The following PLA2G4C variants were observed in gnomAD, a reference collection of about 807,000 sequenced individuals.
The protein encoded by PLA2G4C is phospholipase A2 group IVC.
A neutral mutation model predicts 73.8 loss-of-function variants in PLA2G4C; 64 were observed. That is an observed-to-expected ratio of 0.87 (90% CI 0.71 to 1.07). The LOEUF (loss-of-function observed/expected upper bound fraction) is 1.07. PLA2G4C is among the 50% of genes least tolerant of loss of function. The pLI, the probability that PLA2G4C is intolerant of heterozygous loss-of-function variation, is 0.00. For synonymous variants in PLA2G4C, 254 were observed against 252.1 expected, an observed-to-expected ratio of 1.01 and a Z score of -0.07; for missense variants, 622 against 665.4, an observed-to-expected ratio of 0.93 and a Z score of 0.72.
chr19:48,084,839 C>T (rs1053121253), intron 10 of PLA2G4C, among the ~76,000 whole-genome samples: 2 of 152,232 alleles, frequency 1.3e-5, no homozygotes, highest in African/African-American at 4.8e-5. Flanking sequence ...ACATGTACCA[C>T]AGCAACATTC....
rs191915886 is a variant in PLA2G4C at position 48,104,541 on chromosome 19, T to A, written c.257+47A>T. 1.0e-5 allele frequency: 16 copies of A among 1,589,674 alleles called. No individual in the cohort carries two copies. In the East Asian group the frequency reaches 2.2e-4, roughly 22 times the overall value. On this transcript the variant is annotated intron_variant, in intron 4 of 16. Transcript: ENST00000599921. ...TTTGGTGTCAGGAGGAAAAAAATAA[T>A]CCCATTTATGTGTCAGAAAGCAATC...
chr19:48,088,892 A>G (rs2031136374), intron 8 of PLA2G4C, among the ~76,000 whole-genome samples, 180 bp from the exon 9 acceptor site: 1 of 152,220 alleles, frequency 6.6e-6, no homozygotes, highest in Non-Finnish European at 1.5e-5. Context: ...CTCTGTGCTC[A>G]GTGACCTCAT....
At chr19:48,051,706 T>C (rs999437117) in intron 16 of PLA2G4C, 2 of 151,844 alleles carry the variant, frequency 1.3e-5, no homozygotes, top group African/African-American at 2.4e-5. Context: ...TCTCTTGACA[T>C]GTGGGGATTA....
At chr19:48,053,426 A>G (rs530261804) in intron 15 of PLA2G4C, among the ~76,000 whole-genome samples, 2 of 143,454 alleles carry the variant, frequency 1.4e-5, no homozygotes, top group South Asian at 2.2e-4. Flanking sequence ...CTGGAGTCCA[A>G]TGGCACAATC....
chr19:48,105,884 TCTTTCCCTC>T (rs1568457224), intron 2 of PLA2G4C, among the ~76,000 whole-genome samples: 1 of 13,624 alleles, frequency 7.3e-5, no homozygotes, highest in Admixed American at 1.0e-3. Context: ...CTTCCCTCCT[TCTTTCCCTC>T]CCTCCCTCCC....
rs776572962 is a variant in PLA2G4C, at chr19:48,098,178, T to C, written c.529A>G (p.Asn177Asp). Residue 177 changes from asparagine to aspartate, a missense_variant, in exon 6 of 17, where the codon AAT becomes GAT. Coordinates refer to ENST00000599921, the MANE Select transcript of PLA2G4C (RefSeq NM_003706.3). The part of the protein sequence containing the change: ...LPYPIFAAID[N>D]DLQPSWQEAR... ...TCCTGCCAGGAAGGTTGCAGGTCAT[T>C]GTCAATGGCTGCAAATATTGGGTAG... is the stretch of plus-strand genomic sequence containing the variant. 11 of 1,613,886 alleles carry C rather than the reference T, an allele frequency of 6.8e-6. No individual in the cohort carries two copies. The South Asian group carries it at 1.2e-4, about 18-fold the overall frequency.
chr19:48,105,487 GA>G, intron 2 of PLA2G4C, 43 bp from the exon 3 acceptor site: 1 of 1,477,392 alleles, frequency 6.8e-7, no homozygotes, highest in Non-Finnish European at 9.4e-7. Context: ...AATTCACAGG[GA>G]AAAGGGATAA....
intron 4 of PLA2G4C, among the ~76,000 whole-genome samples, chr19:48,102,185 G>A (rs1277920954): frequency 2.0e-5 from 3 of 151,996 alleles, no homozygotes; most frequent in African/African-American, 7.2e-5. Flanking sequence ...CCTTCTTGAA[G>A]AGGCTACTAG....
At position 48,095,531 on chromosome 19, in the gene PLA2G4C, G is replaced by T. The variant is rs147338051; in HGVS notation, c.642C>A (p.Phe214Leu). 1.7e-4 allele frequency: 268 copies of T among 1,613,860 alleles called. No homozygotes were observed. Among genetic ancestry groups the T allele is most frequent in the Non-Finnish European group, 2.2e-4 (259 of 1,179,946 alleles). Residue 214 changes from phenylalanine to leucine, a missense_variant, in exon 7 of 17, where the codon TTC becomes TTA. Phe to Leu is a conservative substitution (Grantham distance 22, BLOSUM62 0). Coordinates refer to ENST00000599921, the MANE Select transcript of PLA2G4C (RefSeq NM_003706.3). ...GTCTTCCCTTCTTGAATTTGCTTCC[G>T]AAGTGGGTTATGGAAACAAAGGCCC... The part of the protein sequence containing the change: ...ALGAFVSITH[F>L]GSKFKKGRLV...
At chr19:48,074,920 T>C in intron 11 of PLA2G4C, 46 bp from the exon 12 acceptor site, 3 of 1,246,028 alleles carry the variant, frequency 2.4e-6, no homozygotes, top group East Asian at 4.7e-5. Context: ...CCAAGTACCC[T>C]ACCAAGAACA....
At chr19:48,052,631 C>A (rs1038887347) in intron 16 of PLA2G4C, among the ~76,000 whole-genome samples, 3 of 152,158 alleles carry the variant, frequency 2.0e-5, no homozygotes, top group Non-Finnish European at 2.9e-5. Context: ...CCAATATACA[C>A]GGAGACAAGC....
At chr19:48,070,627 G>A (rs931295248) in intron 12 of PLA2G4C, among the ~76,000 whole-genome samples, 16 of 152,140 alleles carry the variant, frequency 1.1e-4, no homozygotes, top group African/African-American at 3.9e-4. Context: ...ATTATCCTCA[G>A]CAAACTAATG....
chr19:48,080,992 A>C (rs35145111), intron 10 of PLA2G4C, among the ~76,000 whole-genome samples: 13 of 82,048 alleles, frequency 1.6e-4, no homozygotes, highest in African/African-American at 5.4e-4. Context: ...TACTAAAAAT[A>C]CAAAAAAAAA....
At chr19:48,057,748 C>T (rs571361230) in intron 14 of PLA2G4C, among the ~76,000 whole-genome samples, 1 of 151,020 alleles carries the variant, frequency 6.6e-6, no homozygotes, top group South Asian at 2.1e-4. Context: ...CCTCTACCTC[C>T]CAAAGTGCTG....
intron 14 of PLA2G4C, among the ~76,000 whole-genome samples, chr19:48,060,139 A>C (rs1187599796): frequency 6.6e-6 from 1 of 152,040 alleles, no homozygotes; most frequent in East Asian, 1.9e-4. Context: ...CTCAGCTCGC[A>C]GACGGCCTAT....
At chr19:48,067,696 C>T in intron 13 of PLA2G4C, 95 bp downstream of exon 13, 1 of 842,368 alleles carries the variant, frequency 1.2e-6, no homozygotes, top group South Asian at 1.4e-5. Flanking sequence ...TGGGGAAGGA[C>T]CAGCCTGGGA....
intron 1 of PLA2G4C, among the ~76,000 whole-genome samples, chr19:48,107,576 G>T (rs982044461): frequency 6.6e-6 from 1 of 152,082 alleles, no homozygotes; most frequent in African/African-American, 2.4e-5. Context: ...TTGGTCTAGC[G>T]GTTGCGTCAG....
intron 1 of PLA2G4C, among the ~76,000 whole-genome samples, chr19:48,108,454 T>C (rs141812057): frequency 6.6e-6 from 1 of 152,290 alleles, no homozygotes; most frequent in African/African-American, 2.4e-5. Context: ...GAGTTCTGTG[T>C]TTCACGACAG....
intron 13 of PLA2G4C, 105 bp from the exon 14 acceptor site, chr19:48,062,257 T>A: frequency 2.0e-6 from 2 of 1,014,304 alleles, no homozygotes; most frequent in Non-Finnish European, 2.8e-6. Flanking sequence ...GTTGTCAGTG[T>A]AGACAGCAGT....
Sources: allele counts gnomAD v4.1 joint callset (sites outside exome capture counted in the v4.1 genomes callset), GRCh38; gene constraint gnomAD v4.1.1; transcripts MANE v1.5; gene names NCBI Gene and HGNC (gene_info 2026-07-23, HGNC 2026-07-21).